The following TMX3 variants were observed in gnomAD, a reference collection of about 807,000 sequenced individuals.
TMX3 encodes thioredoxin related transmembrane protein 3.
In TMX3, 40 loss-of-function variants were observed where a neutral mutation model predicts 64.4. The observed-to-expected ratio is 0.62, with a 90% CI of 0.48 to 0.81. TMX3 has a LOEUF of 0.81. Ranked by LOEUF, TMX3 falls within the 30% of genes least tolerant of loss-of-function variation. TMX3 has a pLI of 0.00. For synonymous variants in TMX3, 189 were observed against 175.7 expected, an observed-to-expected ratio of 1.08 and a Z score of -0.60; for missense variants, 497 against 534.5, an observed-to-expected ratio of 0.93 and a Z score of 0.69.
At chr18:68,690,481 G>T (rs1476051775) in intron 9 of TMX3, among the ~76,000 whole-genome samples, 1 of 152,174 alleles carries the variant, frequency 6.6e-6, no homozygotes, top group African/African-American at 2.4e-5. Flanking sequence ...TGTAGCCCCT[G>T]TGAGTTTGCT....
intron 10 of TMX3, chr18:68,687,066 A>C: frequency 2.0e-6 from 2 of 982,404 alleles, no homozygotes; most frequent in Non-Finnish European, 2.4e-6. Context: ...CTATTAATGG[A>C]AACAAATGTG....
intron 15 of TMX3, among the ~76,000 whole-genome samples, chr18:68,678,408 C>T (rs903681428): frequency 6.6e-6 from 1 of 151,900 alleles, no homozygotes; most frequent in African/African-American, 2.4e-5. Context: ...AGAGGGAGAA[C>T]AATTTCGTAA....
Position 68,684,446 on chromosome 18 carries a change from G to T in TMX3, c.776C>A (p.Thr259Lys). 2 of 1,612,908 alleles carry T rather than the reference G, an allele frequency of 1.2e-6. No homozygotes were observed. The highest frequency in any genetic ancestry group is 1.7e-6 in the Non-Finnish European group (2 of 1,179,500). ...VALAVIDEKN[T>K]SVEHTRLKSI... The stretch of plus-strand genomic sequence containing the variant: ...ATTATACCTGGTATGTTCAACTGAT[G>T]TATTTTTCTCATCAATAACTGCAAG... Residue 259 changes from threonine (T) to lysine (K), a missense_variant, in exon 11 of 16, where the codon ACA becomes AAA. Thr to Lys is a moderately conservative substitution (Grantham distance 78). Around this residue, in one of 3 missense-constraint regions of TMX3, gnomAD observed 360 missense variants for 383.5 expected, o/e 0.94. Transcript: ENST00000299608.
intron 14 of TMX3, among the ~76,000 whole-genome samples, chr18:68,680,380 T>C (rs1224409962): frequency 2.6e-5 from 4 of 152,104 alleles, no homozygotes; most frequent in Admixed American, 2.0e-4. Flanking sequence ...CTAATATAGG[T>C]TGCAATTCAC....
Position 68,681,060 on chromosome 18 carries a change from T to G in TMX3, c.956A>C (p.Tyr319Ser), listed in dbSNP as rs2145010747. 1 of 1,603,180 alleles carries G rather than the reference T, an allele frequency of 6.2e-7. No homozygotes were observed. The highest frequency in any genetic ancestry group is 1.7e-4 in the Middle Eastern group (1 of 6,020). The change falls in exon 14 of 16, where the codon TAT (tyrosine) becomes TCT (serine). Residue 319 changes from tyrosine to serine, a missense_variant. Coordinates refer to ENST00000299608, the MANE Select transcript of TMX3 (RefSeq NM_019022.5). ...CTTAATCTGTCTATCTAGCAAGAAA[T>G]ATTGCTGGTTTGAAGTATTCAGTAC... ...VVVLNTSNQQ[Y>S]FLLDRQIKNV...
chr18:68,700,359 T>C, intron 6 of TMX3, 46 bp downstream of exon 6: 1 of 1,279,610 alleles, frequency 7.8e-7, no homozygotes, highest in Non-Finnish European at 1.1e-6. Context: ...ATATTTAATT[T>C]TCAAATATTA....
chr18:68,706,531 C>T lies in TMX3; in HGVS notation c.265+3490G>A, dbSNP rs1330723669. ...TGTTCACCAGTAGGACTGGTGTGGG[C>T]CTTCAGAATCTGAACTGACAATAAG... is the stretch of plus-strand genomic sequence containing the variant. On this transcript the variant is annotated intron_variant, in intron 4 of 15. Transcript: ENST00000299608. The T allele has an allele frequency of 2.0e-5, 3 of 152,126 alleles. No homozygotes were observed. The East Asian group carries it at 5.8e-4, about 29-fold the overall frequency. 9.4% of individuals were successfully genotyped at this position (152,126 alleles called of 1,614,324 possible). A position where few individuals can be genotyped will look rare whatever the true frequency, so the allele number is the denominator to read the frequency against.
intron 4 of TMX3, among the ~76,000 whole-genome samples, chr18:68,708,027 GTATATGTGTA>G (rs747497462): frequency 1.0e-4 from 14 of 134,202 alleles, no homozygotes; most frequent in African/African-American, 3.7e-4. Flanking sequence ...GTATATATGT[GTATATGTGTA>G]TATATGTGTA....
chr18:68,709,086 A>C (rs919985355), intron 4 of TMX3, among the ~76,000 whole-genome samples: 25 of 152,292 alleles, frequency 1.6e-4, no homozygotes, highest in Admixed American at 1.4e-3. Context: ...AAAAGATTTT[A>C]TATCTGCTGG....
At chr18:68,681,381 T>C (rs976753152) in intron 13 of TMX3, 1 of 728,136 alleles carries the variant, frequency 1.4e-6, no homozygotes, top group Non-Finnish European at 1.7e-6. Flanking sequence ...TTTTATAACA[T>C]ATGTATTGAA....
intron 14 of TMX3, among the ~76,000 whole-genome samples, chr18:68,679,969 C>T (rs1044484648): frequency 3.9e-5 from 6 of 152,110 alleles, no homozygotes; most frequent in African/African-American, 9.7e-5. Context: ...ATCCTATATT[C>T]GGCCATACCT....
intron 8 of TMX3, among the ~76,000 whole-genome samples, chr18:68,695,708 C>T (rs952981723): frequency 6.6e-6 from 1 of 152,216 alleles, no homozygotes; most frequent in East Asian, 1.9e-4. Context: ...CCTCACTAAC[C>T]ATCAAGCCCA....
chr18:68,703,907 G>A (rs2030387754), intron 4 of TMX3, among the ~76,000 whole-genome samples: 2 of 152,110 alleles, frequency 1.3e-5, no homozygotes. Context: ...TCCAGCCTGG[G>A]TGACAGAGTG....
Position 68,677,175 on chromosome 18 carries a change from G to A in TMX3, c.1123C>T (p.Pro375Ser), listed in dbSNP as rs1398779307. 6.2e-7 allele frequency: 1 copy of A among 1,613,566 alleles called. No individual in the cohort carries two copies. The highest frequency in any genetic ancestry group is 8.5e-7 in the Non-Finnish European group (1 of 1,179,646). The change falls in exon 16 of 16, where the codon CCA (proline) becomes TCA (serine). Residue 375 changes from proline (P) to serine (S), a missense_variant. Coordinates refer to ENST00000299608, the MANE Select transcript of TMX3 (RefSeq NM_019022.5). ...STIVSIFKSS[P>S]LMGCFLFGLP... ...CCAAAGAGAAAGCAGCCCATCAGTG[G>A]TGAGCTCTTGAATATAGACTGTGGA...
rs1049593644 is a variant in TMX3 at position 68,673,912 on chromosome 18, G to A, written c.*3021C>T. On this transcript the variant is annotated 3_prime_UTR_variant, in exon 16 of 16. Transcript: ENST00000299608. ...TCAAGCCTAATCCCACCAATTGATA[G>A]TCTTAATATCCTACACTGGTTTATT... The A allele has an allele frequency of 1.3e-5, 2 of 152,094 alleles. No individual in the cohort carries two copies. Among genetic ancestry groups the A allele is most frequent in the African/African-American group, 4.8e-5 (2 of 41,432 alleles). 9.4% of individuals were successfully genotyped at this position (152,094 alleles called of 1,614,324 possible).
intron 2 of TMX3, 70 bp from the exon 3 acceptor site, chr18:68,711,473 A>G: frequency 9.3e-7 from 1 of 1,071,292 alleles, no homozygotes; most frequent in South Asian, 1.7e-5. Context: ...GTATAGGCAG[A>G]GATAATACAT....
At chr18:68,692,780 T>TAA (rs745926955) in intron 8 of TMX3, among the ~76,000 whole-genome samples, 2 of 152,170 alleles carry the variant, frequency 1.3e-5, no homozygotes, top group East Asian at 1.9e-4. Flanking sequence ...GAAGCCCAAT[T>TAA]AAAAAAATAA....
At chr18:68,705,496 T>A (rs530971261) in intron 4 of TMX3, among the ~76,000 whole-genome samples, 54 of 152,330 alleles carry the variant, frequency 3.5e-4, no homozygotes, top group African/African-American at 1.3e-3. Context: ...CCAAATGTCA[T>A]TCCAAATTTA....
At chr18:68,698,561 T>C (rs1454446080) in intron 6 of TMX3, among the ~76,000 whole-genome samples, 1 of 151,810 alleles carries the variant, frequency 6.6e-6, no homozygotes, top group Non-Finnish European at 1.5e-5. Flanking sequence ...CATTAATCAT[T>C]TACAGAAAAA....
Sources: allele counts gnomAD v4.1 joint callset (sites outside exome capture counted in the v4.1 genomes callset), GRCh38; gene constraint gnomAD v4.1.1; regional missense constraint gnomAD v4.1.1; transcripts MANE v1.5; gene names NCBI Gene and HGNC (gene_info 2026-07-23, HGNC 2026-07-21).